Variants in ZNF33A observed in about 807,000 individuals in gnomAD.
The protein encoded by ZNF33A is brain my041 protein.
ZNF33A carries 9 observed loss-of-function variants against 15.9 expected under a neutral mutation model. The observed-to-expected ratio is 0.57, with a 90% confidence interval of 0.34 to 0.99. ZNF33A has a LOEUF of 0.99. ZNF33A is among the 50% of genes least tolerant of loss of function. ZNF33A has a pLI of 0.02. For missense variants in ZNF33A, 843 were observed against 941.6 expected, an observed-to-expected ratio of 0.90 and a Z score of 1.37; for synonymous variants, 294 against 324.2, an observed-to-expected ratio of 0.91 and a Z score of 1.00.
chr10:38,013,224 C>T (rs2064279170), intron 2 of ZNF33A, among the ~76,000 whole-genome samples: 1 of 152,114 alleles, frequency 6.6e-6, no homozygotes, highest in Non-Finnish European at 1.5e-5. Flanking sequence ...GATTCTCTTG[C>T]CTCAGCCTCC....
intron 4 of ZNF33A, among the ~76,000 whole-genome samples, chr10:38,024,177 A>G (rs1199642889): frequency 6.6e-6 from 1 of 150,412 alleles, no homozygotes; most frequent in Non-Finnish European, 1.5e-5. Flanking sequence ...AAAAAAAAAA[A>G]AAAAGAAAAA....
At position 38,035,116 on chromosome 10, in the gene ZNF33A, T is replaced by A. The variant is rs980357583; in HGVS notation, c.250+17730T>A. ...ATCCATCATCCATTTACTTTCTTTT[T>A]TTTTTTTTTTTTTTTTTTTGAGATG... is the stretch of plus-strand genomic sequence containing the variant. On this transcript the variant is annotated intron_variant, in intron 4 of 4. Coordinates refer to ENST00000432900, the MANE Select transcript of ZNF33A (RefSeq NM_006954.2). Among the ~76,000 whole-genome samples the A allele has an allele frequency of 5.9e-5, 8 of 134,570 alleles. No homozygotes were observed. In the East Asian group the frequency reaches 1.5e-3, roughly 26 times the overall value. 88.3% of individuals were successfully genotyped at this position (134,570 alleles called of 152,430 possible).
At chr10:38,028,188 A>T (rs2065060683) in intron 4 of ZNF33A, among the ~76,000 whole-genome samples, 1 of 152,050 alleles carries the variant, frequency 6.6e-6, no homozygotes, top group African/African-American at 2.4e-5. Context: ...GGATCCCTTG[A>T]GCCCAGGAAG....
At chr10:38,019,248 G>C (rs1204544104) in intron 4 of ZNF33A, among the ~76,000 whole-genome samples, 1 of 151,630 alleles carries the variant, frequency 6.6e-6, no homozygotes, top group Non-Finnish European at 1.5e-5. Context: ...TGGTTTTTTG[G>C]CTTTGCGATA....
intron 4 of ZNF33A, chr10:38,039,398 GT>G (rs59435586): frequency 9.6e-4 from 373 of 389,880 alleles, no homozygotes; most frequent in Admixed American, 1.8e-3. Flanking sequence ...AATTTTTTGT[GT>G]TTTTTTTTTG....
At chr10:38,048,360 T>A (rs796342391) in intron 4 of ZNF33A, among the ~76,000 whole-genome samples, 1 of 152,178 alleles carries the variant, frequency 6.6e-6, no homozygotes, top group African/African-American at 2.4e-5. Context: ...AAAAAGGCTG[T>A]GAAAAAGAAG....
At chr10:38,032,270 A>G (rs1320065264) in intron 4 of ZNF33A, among the ~76,000 whole-genome samples, 1 of 152,204 alleles carries the variant, frequency 6.6e-6, no homozygotes, top group Non-Finnish European at 1.5e-5. Context: ...GGCTGTAAGA[A>G]CAATACATAA....
chr10:38,058,797 A>G lies in ZNF33A; in HGVS notation c.*2237A>G, dbSNP rs1364129879. 6.6e-6 allele frequency: 1 copy of G among 152,140 alleles called. No individual in the cohort carries two copies. The highest frequency in any genetic ancestry group is 1.5e-5 in the Non-Finnish European group (1 of 68,030). 9.4% of individuals were successfully genotyped at this position (152,140 alleles called of 1,614,324 possible). On this transcript the variant is annotated 3_prime_UTR_variant, in exon 5 of 5. Coordinates refer to ENST00000432900, the MANE Select transcript of ZNF33A (RefSeq NM_006954.2). ...AAAAATAATAATGAAACTTTCCAAA[A>G]CAAAGTGCCAGGACCAGCTGGGTTC...
chr10:38,065,910 C>G (rs961320304), downstream of ZNF33A, among the ~76,000 whole-genome samples: 1 of 152,056 alleles, frequency 6.6e-6, no homozygotes, highest in African/African-American at 2.4e-5. Flanking sequence ...AAGGTTTCAC[C>G]ATACTGGCCA....
intron 4 of ZNF33A, among the ~76,000 whole-genome samples, chr10:38,048,014 ATTATTT>A (rs1313335088): frequency 6.6e-6 from 1 of 152,220 alleles, no homozygotes; most frequent in Non-Finnish European, 1.5e-5. Context: ...AGAGTAGAAC[ATTATTT>A]TTAGTTTTAA....
At chr10:38,039,193 T>TG (rs1332712965) in intron 4 of ZNF33A, among the ~76,000 whole-genome samples, 1 of 151,426 alleles carries the variant, frequency 6.6e-6, no homozygotes, top group African/African-American at 2.4e-5. Flanking sequence ...CTGGGTTTTT[T>TG]TTTTGTTTTT....
chr10:38,067,752 A>T (rs2066720972), downstream of ZNF33A, among the ~76,000 whole-genome samples: 1 of 152,228 alleles, frequency 6.6e-6, no homozygotes, highest in Non-Finnish European at 1.5e-5. Context: ...CATTGCACAC[A>T]AACAACTCAG....
rs1192691710 is a variant in ZNF33A, at chr10:38,055,992, A to G, written c.1868A>G (p.Gln623Arg). 41 of 1,613,890 alleles carry G rather than the reference A, an allele frequency of 2.5e-5. No homozygotes were observed. Among genetic ancestry groups the G allele is most frequent in the Non-Finnish European group, 3.4e-5 (40 of 1,179,972 alleles). The change falls in exon 5 of 5, where the codon CAA becomes CGA. Residue 623 changes from glutamine to arginine, a missense_variant. Transcript: ENST00000432900. ...GGAAAAGCCTTCTACCAGAAGTCAC[A>G]ACTCACTCAGCATCAGAGAATTCAC... is the stretch of plus-strand genomic sequence containing the variant. ...ECGKAFYQKS[Q>R]LTQHQRIHIG... is the part of the protein sequence containing the mutation.
downstream of ZNF33A, among the ~76,000 whole-genome samples, chr10:38,061,827 C>T (rs1168284581): frequency 3.3e-5 from 5 of 151,980 alleles, no homozygotes; most frequent in South Asian, 2.1e-4. Flanking sequence ...TGAGCATGGT[C>T]GTGCCTGTAA....
chr10:38,017,111 G>GT, intron 3 of ZNF33A, 96 bp downstream of exon 3: 1 of 1,514,178 alleles, frequency 6.6e-7, no homozygotes, highest in Non-Finnish European at 8.9e-7. Flanking sequence ...GATATTTAAG[G>GT]TTAGGCTTCA....
rs74590967 is a variant in ZNF33A at position 38,056,407 on chromosome 10, G to A, written c.2283G>A (p.Lys761=). The A allele has an allele frequency of 3.0e-3, 4,763 of 1,614,050 alleles. 119 individuals carry two copies. The African/African-American group carries it at 0.053, about 18-fold the overall frequency. The change falls in exon 5 of 5, where the codon AAG becomes AAA. Residue 761 remains lysine, a synonymous_variant. Transcript: ENST00000432900. ...CNTCRKTFSQ[K]SNLIVHQRRH... ...CATGCAGGAAAACTTTCTCTCAAAA[G>A]TCAAATCTCATTGTACATCAGAGAA... is the stretch of plus-strand genomic sequence containing the variant.
chr10:38,014,035 ATTTTTTTTTTTTTTTTT>A (rs10658326), intron 2 of ZNF33A, among the ~76,000 whole-genome samples: 1 of 80,368 alleles, frequency 1.2e-5, no homozygotes, highest in Non-Finnish European at 2.2e-5. Flanking sequence ...ATGATGTCTG[ATTTTTTTTTTTTTTTTT>A]TTTTTTTTTT....
In ZNF33A at chr10:38,054,424, T is replaced by G. The variant is rs1313048274; in HGVS notation, c.300T>G (p.Ser100=). 3.1e-6 allele frequency: 5 copies of G among 1,599,732 alleles called. No homozygotes were observed. The highest frequency in any genetic ancestry group is 1.8e-5 in the Admixed American group (1 of 57,006). ...HLKERSQENQ[S]KHLWEVVFIN... The stretch of plus-strand genomic sequence containing the variant: ...AAGAGAGGAGCCAAGAAAACCAATC[T>G]AAACATTTGTGGGAAGTTGTATTCA... Residue 100 remains serine (S), a synonymous_variant, in exon 5 of 5, where the codon TCT becomes TCG. Coordinates refer to ENST00000432900, the MANE Select transcript of ZNF33A (RefSeq NM_006954.2).
chr10:38,054,847 C>T lies in ZNF33A; in HGVS notation c.723C>T (p.Asn241=), dbSNP rs373498849. 276 of 1,613,212 alleles carry T rather than the reference C, an allele frequency of 1.7e-4. 1 individual carries two copies. In the East Asian group the frequency reaches 2.5e-3, roughly 15 times the overall value. ...KAVFNTQKRE[N]AEENNCDYNE... Reference sequence around the variant, plus strand: ...TATTCAATACACAGAAGAGAGAGAACGCAGAAGAGAATAACTGTGATTATA... The same window carrying T: ...TATTCAATACACAGAAGAGAGAGAATGCAGAAGAGAATAACTGTGATTATA... The change falls in exon 5 of 5, where the codon AAC becomes AAT. Residue 241 remains asparagine (N), a synonymous_variant. Transcript: ENST00000432900.
Sources: gnomAD v4.1 joint callset for allele counts (sites outside exome capture counted in the v4.1 genomes callset) on GRCh38, gnomAD v4.1.1 for gene constraint, MANE v1.5 for transcripts, NCBI Gene and HGNC (gene_info 2026-07-23, HGNC 2026-07-21) for gene names.